Variants in ITGA9 observed in about 807,000 individuals in gnomAD.
ITGA9 encodes the protein integrin alpha-9.
Under a neutral mutation model 127.8 loss-of-function variants are expected in ITGA9, and 56 were observed. The observed-to-expected ratio is 0.44, with a 90% CI of 0.35 to 0.55. The LOEUF is 0.55. ITGA9 is among the 20% of genes least tolerant of loss of function. ITGA9 has a pLI of 0.00. For synonymous variants in ITGA9, 508 were observed against 514.5 expected (o/e 0.99, Z 0.17); for missense variants, 1,196 against 1,347.1 (o/e 0.89, Z 1.76).
At chr3:37,761,240 A>T (rs926928270) in intron 23 of ITGA9, among the ~76,000 whole-genome samples, 1 of 152,250 alleles carries the variant, frequency 6.6e-6, no homozygotes, top group African/African-American at 2.4e-5. Context: ...GGTTAAGATG[A>T]AGAGAAATGA....
rs190517401 is a variant in ITGA9 at position 37,511,834 on chromosome 3, C to T, written c.898-1929C>T. ...GGAAATAGATTGGAGTGTCCTCTAC[C>T]TCTCTCCCTCAAACTCCCTGGGTCA... On this transcript the variant is annotated intron_variant, in intron 8 of 27. Transcript: ENST00000264741. 4.5e-3 allele frequency among the ~76,000 whole-genome samples: 678 copies of T among 152,214 alleles called. 5 individuals carry two copies. Among genetic ancestry groups the T allele is most frequent in the Non-Finnish European group, 7.9e-3 (538 of 68,024 alleles).
chr3:37,748,714 C>G (rs1239400409), intron 22 of ITGA9: 1 of 564,086 alleles, frequency 1.8e-6, no homozygotes, highest in East Asian at 3.1e-5. Context: ...GCCCACTGCA[C>G]TCCAGCCTGG....
chr3:37,468,816 C>T (rs545166618), intron 1 of ITGA9, among the ~76,000 whole-genome samples: 2 of 152,250 alleles, frequency 1.3e-5, no homozygotes, highest in East Asian at 1.9e-4. Flanking sequence ...CAGAAGAAAC[C>T]CTTGTGAGGT....
chr3:37,523,472 G>T, intron 11 of ITGA9, 49 bp from the exon 12 acceptor site: 1 of 1,392,390 alleles, frequency 7.2e-7, no homozygotes, highest in Non-Finnish European at 1.0e-6. Flanking sequence ...GTTCTTATTT[G>T]TGACTGTGGT....
chr3:37,545,813 C>T (rs981345088), intron 15 of ITGA9, among the ~76,000 whole-genome samples: 1 of 152,242 alleles, frequency 6.6e-6, no homozygotes, highest in African/African-American at 2.4e-5. Context: ...CATGCCCTGC[C>T]TGACCTTACC....
chr3:37,498,963 G>A (rs1277077117), intron 5 of ITGA9, among the ~76,000 whole-genome samples: 1 of 152,206 alleles, frequency 6.6e-6, no homozygotes, highest in Non-Finnish European at 1.5e-5. Flanking sequence ...TCTGTGAGCT[G>A]TTGTCCCCTC....
At chr3:37,716,494 ACTT>A (rs920493187) in intron 18 of ITGA9, among the ~76,000 whole-genome samples, 23 of 151,352 alleles carry the variant, frequency 1.5e-4, no homozygotes, top group African/African-American at 5.6e-4. Context: ...TCAGTCAACA[ACTT>A]CTGCAGGCTC....
chr3:37,523,545 C>G lies in ITGA9; in HGVS notation c.1261C>G (p.Pro421Ala). Residue 421 changes from proline to alanine, a missense_variant, in exon 12 of 28, where the codon CCA becomes GCA. Physicochemically the swap from Pro to Ala is conservative, Grantham distance 27 (BLOSUM62 -1). Coordinates refer to ENST00000264741, the MANE Select transcript of ITGA9 (RefSeq NM_002207.3). ...GAAACTGTCTGGGCAGAAGATAAAT[C>G]CAGTGCTCCGGATGTTTGGTCAGTC... ...SMKLSGQKIN[P>A]VLRMFGQSIS... 6.2e-7 allele frequency: 1 copy of G among 1,613,904 alleles called. No homozygotes were observed. The highest frequency in any genetic ancestry group is 8.5e-7 in the Non-Finnish European group (1 of 1,179,862).
rs1697292121 is a variant in ITGA9 at position 37,806,051 on chromosome 3, A to G, written c.3009+2109A>G. The G allele has an allele frequency of 6.6e-6, 1 of 152,220 alleles. No homozygotes were observed. Among genetic ancestry groups the G allele is most frequent in the African/African-American group, 2.4e-5 (1 of 41,458 alleles). The allele number at this position is 152,220 out of a possible 1,614,324, so 9.4% of individuals were successfully genotyped here. ...CCCTCCCACAAGCAGTGTATCAGAAATGTCTGTTTGCCAATAGTGGATGTT... is the reference window on the plus strand; with the variant it reads ...CCCTCCCACAAGCAGTGTATCAGAAGTGTCTGTTTGCCAATAGTGGATGTT... On this transcript the variant is annotated intron_variant, in intron 27 of 27. Coordinates refer to ENST00000264741, the MANE Select transcript of ITGA9 (RefSeq NM_002207.3). This position sits in a 1 kb window ranked among gnomAD's most constrained non-coding sequence, Gnocchi z 4.3.
intron 15 of ITGA9, among the ~76,000 whole-genome samples, chr3:37,628,354 G>A (rs1381571590): frequency 6.6e-6 from 1 of 152,148 alleles, no homozygotes; most frequent in African/African-American, 2.4e-5. Flanking sequence ...GATTGTGGGG[G>A]CCAGAGTCCC....
At chr3:37,676,208 A>G (rs1199926582) in intron 17 of ITGA9, among the ~76,000 whole-genome samples, 1 of 152,248 alleles carries the variant, frequency 6.6e-6, no homozygotes, top group Admixed American at 6.5e-5. Context: ...GTATATCCCA[A>G]AAGTAATTAT....
At chr3:37,791,948 C>G (rs1697116364) in intron 26 of ITGA9, among the ~76,000 whole-genome samples, 1 of 152,172 alleles carries the variant, frequency 6.6e-6, no homozygotes, top group Non-Finnish European at 1.5e-5. Context: ...ATTTATGTGA[C>G]CAATTATAGT....
intron 23 of ITGA9, among the ~76,000 whole-genome samples, chr3:37,762,949 G>A (rs1374842033): frequency 6.6e-6 from 1 of 152,232 alleles, no homozygotes; most frequent in Non-Finnish European, 1.5e-5. Context: ...TCTAAAGCAT[G>A]AGACTTAAAT....
At chr3:37,816,751 G>A (rs560557242) in intron 27 of ITGA9, among the ~76,000 whole-genome samples, 1 of 152,164 alleles carries the variant, frequency 6.6e-6, no homozygotes, top group African/African-American at 2.4e-5. Context: ...GTGGTCTTAT[G>A]CTGGGAAGAA....
intron 4 of ITGA9, among the ~76,000 whole-genome samples, chr3:37,493,955 T>C (rs1698699212): frequency 6.6e-6 from 1 of 152,126 alleles, no homozygotes; most frequent in Admixed American, 6.5e-5. Context: ...CCTGGAGAGA[T>C]CTTCCCCCTT....
rs1031196843 is a variant in ITGA9 at position 37,542,316 on chromosome 3, G to A, written c.1529-109G>A. The A allele has an allele frequency of 6.0e-6, 7 of 1,164,558 alleles. No homozygotes were observed. The African/African-American group carries it at 9.1e-5, about 15-fold the overall frequency. 72.1% of individuals were successfully genotyped at this position (1,164,558 alleles called of 1,614,324 possible). A position where few individuals can be genotyped will look rare whatever the true frequency, so the allele number is the denominator to read the frequency against. ...GGGGCTGCAGTCTCCTGCCATGGAA[G>A]GGTAGGTATCATATGAGATGTGCAT... On this transcript the variant is annotated intron_variant, in intron 14 of 27. Coordinates refer to ENST00000264741, the MANE Select transcript of ITGA9 (RefSeq NM_002207.3).
intron 18 of ITGA9, among the ~76,000 whole-genome samples, chr3:37,688,816 A>G (rs1455584705): frequency 6.6e-6 from 1 of 152,112 alleles, no homozygotes; most frequent in Non-Finnish European, 1.5e-5. Flanking sequence ...GGATGGATGG[A>G]TGGATGGGTG....
chr3:37,467,193 T>A (rs1698382547), intron 1 of ITGA9, among the ~76,000 whole-genome samples: 1 of 152,164 alleles, frequency 6.6e-6, no homozygotes, highest in South Asian at 2.1e-4. Flanking sequence ...ACCTCGTGAG[T>A]GTCATGCATG....
intron 5 of ITGA9, 137 bp from the exon 6 acceptor site, chr3:37,503,041 T>C (rs1698804138): frequency 1.1e-6 from 1 of 877,256 alleles, no homozygotes; most frequent in Non-Finnish European, 1.8e-6. Context: ...GTGAAATCTG[T>C]TTTTGTTGCT....
Sources: gnomAD v4.1 joint callset for allele counts (sites outside exome capture counted in the v4.1 genomes callset) on GRCh38, gnomAD v4.1.1 for gene constraint, Gnocchi (gnomAD v3.1) non-coding constraint, MANE v1.5 for transcripts, NCBI Gene and HGNC (gene_info 2026-07-23, HGNC 2026-07-21) for gene names.